Variants in RASGRP3 observed in about 807,000 individuals in gnomAD.
RASGRP3 encodes RAS guanyl releasing protein 3, also known as ras guanyl-releasing protein 3.
In RASGRP3, 54 loss-of-function variants were observed where a neutral mutation model predicts 82.7. The ratio of observed to expected loss-of-function variants is 0.65; its 90% CI spans 0.52 to 0.82. RASGRP3 has a LOEUF of 0.82. RASGRP3 is among the 40% of genes least tolerant of loss of function. The pLI is 0.00. For synonymous variants in RASGRP3, 309 were observed against 300.5 expected (o/e 1.03, Z -0.29); for missense variants, 861 against 828.9 (o/e 1.04, Z -0.48).
chr2:33,461,717 C>A lies in RASGRP3; in HGVS notation c.-261+13774C>A, dbSNP rs147227135. Among the ~76,000 whole-genome samples, 10 of 152,268 alleles carry A rather than the reference C, an allele frequency of 6.6e-5. No homozygotes were observed. The East Asian group carries it at 1.7e-3, about 26-fold the overall frequency. Reference sequence around the variant, plus strand: ...TACTCTGCTATGGATTCCCAGGAAGCCGTAAGAATATTTTATCCAAAAGTT... The same window carrying A: ...TACTCTGCTATGGATTCCCAGGAAGACGTAAGAATATTTTATCCAAAAGTT... On this transcript the variant is annotated intron_variant, in intron 2 of 18. Coordinates refer to the RASGRP3 transcript ENST00000402538.
chr2:33,539,092 A>G lies in RASGRP3; in HGVS notation c.1162-2A>G. On this transcript the variant is annotated splice_acceptor_variant, in intron 11 of 17. Transcript: ENST00000403687. LOFTEE classifies it high-confidence loss of function. ...ATATGTGGTTTTTTTTTTGTTTATC[A>G]GCAGCCTACCTCCCCTACGACGCCC... 1 of 1,577,930 alleles carries G rather than the reference A, an allele frequency of 6.3e-7. No individual in the cohort carries two copies. Among genetic ancestry groups the G allele is most frequent in the East Asian group, 2.3e-5 (1 of 44,074 alleles).
rs185346049 is a variant in RASGRP3 at position 33,551,972 on chromosome 2, G to A, written c.1542+2221G>A. 3.9e-3 allele frequency among the ~76,000 whole-genome samples: 589 copies of A among 152,124 alleles called. 5 individuals are homozygous for A. The highest frequency in any genetic ancestry group is 0.013 in the African/African-American group (556 of 41,452). ...GGCACCACTGCACTCCAGCCTGGGC[G>A]ACAGAGCAAGACTCCATCTCAAAAA... On this transcript the variant is annotated intron_variant, in intron 14 of 17. Transcript: ENST00000403687.
At chr2:33,517,583 C>T (rs182001228) in intron 4 of RASGRP3, among the ~76,000 whole-genome samples, 1 of 152,306 alleles carries the variant, frequency 6.6e-6, no homozygotes, top group African/African-American at 2.4e-5. Context: ...TCATCCTCCT[C>T]ACAACCTCAG....
rs1372082644 is a variant in RASGRP3 at position 33,558,761 on chromosome 2, C to T, written c.1795C>T (p.Arg599Cys). Residue 599 changes from arginine (R) to cysteine (C), a missense_variant, in exon 17 of 18, where the codon CGC becomes TGC. Physicochemically the swap from Arg to Cys is radical, Grantham distance 180 (BLOSUM62 -3). Transcript: ENST00000403687. ...RAITLVTGSSRKISVRLQRAT... is the reference protein window; with the variant it reads ...RAITLVTGSSCKISVRLQRAT... Reference sequence around the variant, plus strand: ...CATCACACTGGTTACAGGCTCTTCTCGCAAGATCTCTGTGAGGCTACAGAG... The same window carrying T: ...CATCACACTGGTTACAGGCTCTTCTTGCAAGATCTCTGTGAGGCTACAGAG... 5.6e-6 allele frequency: 9 copies of T among 1,613,982 alleles called. No individual in the cohort carries two copies. The highest frequency in any genetic ancestry group is 1.1e-5 in the South Asian group (1 of 91,056).
intron 1 of RASGRP3, among the ~76,000 whole-genome samples, chr2:33,477,066 A>T (rs1667446350): frequency 6.6e-6 from 1 of 152,094 alleles, no homozygotes; most frequent in Non-Finnish European, 1.5e-5. Flanking sequence ...GTTATGAAGT[A>T]GAGACTTCAT....
chr2:33,444,491 A>T (rs1665399602), intron 1 of RASGRP3, among the ~76,000 whole-genome samples: 2 of 152,332 alleles, frequency 1.3e-5, no homozygotes, highest in East Asian at 3.8e-4. Flanking sequence ...TTTCAAGTTG[A>T]TAGCTTCAGG....
Position 33,442,324 on chromosome 2 carries a change from G to A in RASGRP3, c.-384-5496G>A, listed in dbSNP as rs939775692. ...GGTTGCAGTGAGCCAAGATCGCGCC[G>A]CTGCACTCCAGCCTGGGTGACAGAG... On this transcript the variant is annotated intron_variant, in intron 1 of 18. Transcript: ENST00000402538. Among the ~76,000 whole-genome samples the A allele has an allele frequency of 5.3e-5, 8 of 152,120 alleles. No homozygotes were observed. In the East Asian group the frequency reaches 9.6e-4, roughly 18 times the overall value.
chr2:33,489,264 C>A (rs1574321223), intron 1 of RASGRP3, among the ~76,000 whole-genome samples: 1 of 152,184 alleles, frequency 6.6e-6, no homozygotes, highest in South Asian at 2.1e-4. Context: ...CGCAAACATG[C>A]CTTCAAAGAC....
chr2:33,523,710 A>G (rs559237131), intron 7 of RASGRP3, among the ~76,000 whole-genome samples, 169 bp from the exon 8 acceptor site: 4 of 152,208 alleles, frequency 2.6e-5, no homozygotes, highest in Non-Finnish European at 2.9e-5. Context: ...GCAAAATAAC[A>G]TTTTAAAGAC....
chr2:33,450,779 T>C (rs1558395685), intron 2 of RASGRP3, among the ~76,000 whole-genome samples: 2 of 149,760 alleles, frequency 1.3e-5, no homozygotes, highest in Non-Finnish European at 3.0e-5. Flanking sequence ...ATTTTAAATG[T>C]TTTTTTCTTT....
rs377215232 is a variant in RASGRP3 at position 33,540,556 on chromosome 2, TTGTGTGTGTGTGTGTGTGTGTGTGTGTG to T, written c.1278+1368_1278+1395del. Among the ~76,000 whole-genome samples the T allele has an allele frequency of 1.0e-4, 4 of 38,626 alleles. 1 individual carries two copies. Among genetic ancestry groups the T allele is most frequent in the Admixed American group, 9.6e-4 (3 of 3,118 alleles). The allele number at this position is 38,626 out of a possible 152,430, so 25.3% of individuals were successfully genotyped here. A position where few individuals can be genotyped will look rare whatever the true frequency, so the allele number is the denominator to read the frequency against. On this transcript the variant is annotated intron_variant, in intron 12 of 17. Transcript: ENST00000403687. ...CTCTCTCTCTCTCTGTGTGTGTGTT[TTGTGTGTGTGTGTGTGTGTGTGTGTGTG>T]TGTGTGTGTGTGTGTGTGTGTCTGG...
intron 2 of RASGRP3, among the ~76,000 whole-genome samples, chr2:33,456,897 G>A (rs930385507): frequency 7.5e-6 from 1 of 132,846 alleles, no homozygotes; most frequent in Non-Finnish European, 1.5e-5. Flanking sequence ...TGTGCTAAGT[G>A]CTTTCTATTT....
chr2:33,537,973 G>A (rs924598354), intron 11 of RASGRP3, among the ~76,000 whole-genome samples: 11 of 152,218 alleles, frequency 7.2e-5, no homozygotes, highest in African/African-American at 2.4e-4. Context: ...GTGCTTAAGC[G>A]TATTGAGCAA....
chr2:33,500,237 T>C (rs769158683), intron 1 of RASGRP3, among the ~76,000 whole-genome samples: 4 of 152,124 alleles, frequency 2.6e-5, no homozygotes, highest in Non-Finnish European at 4.4e-5. Context: ...TTGTATGCCA[T>C]GGAAAGGACT....
chr2:33,558,585 G>C, intron 16 of RASGRP3, 87 bp from the exon 17 acceptor site: 1 of 1,249,356 alleles, frequency 8.0e-7, no homozygotes, highest in Non-Finnish European at 1.1e-6. Flanking sequence ...AATGTTGCAT[G>C]CCAGACTCGT....
chr2:33,467,586 G>T (rs1315883883), intron 2 of RASGRP3, among the ~76,000 whole-genome samples: 1 of 152,240 alleles, frequency 6.6e-6, no homozygotes, highest in Non-Finnish European at 1.5e-5. Context: ...GGAAGGCAGA[G>T]ATGGGATGAG....
At chr2:33,494,785 T>C (rs1306917772) in intron 1 of RASGRP3, among the ~76,000 whole-genome samples, 1 of 152,242 alleles carries the variant, frequency 6.6e-6, no homozygotes, top group Non-Finnish European at 1.5e-5. Flanking sequence ...ACTATTTTGC[T>C]GATTTTGAGA....
At chr2:33,502,355 G>A (rs1669948711) in intron 1 of RASGRP3, among the ~76,000 whole-genome samples, 1 of 152,074 alleles carries the variant, frequency 6.6e-6, no homozygotes, top group Admixed American at 6.6e-5. Flanking sequence ...AGGGAAATTA[G>A]TTCACTCTGG....
At chr2:33,477,377 T>G (rs1286601376) in intron 1 of RASGRP3, among the ~76,000 whole-genome samples, 1 of 152,248 alleles carries the variant, frequency 6.6e-6, no homozygotes, top group Non-Finnish European at 1.5e-5. Flanking sequence ...CTTCATTACT[T>G]TAAAATGTTC....
Sources: allele counts gnomAD v4.1 joint callset (sites outside exome capture counted in the v4.1 genomes callset), GRCh38; gene constraint gnomAD v4.1.1; transcripts MANE v1.5; gene names NCBI Gene and HGNC (gene_info 2026-07-23, HGNC 2026-07-21).